Variants in CNTNAP2 observed in about 807,000 individuals in gnomAD.
The protein encoded by CNTNAP2 is contactin associated protein 2.
A neutral mutation model predicts 155.2 loss-of-function variants in CNTNAP2; 98 were observed. That is an observed-to-expected ratio of 0.63 (90% CI 0.54 to 0.75). The LOEUF (loss-of-function observed/expected upper bound fraction) is 0.75. CNTNAP2 is among the 30% of genes least tolerant of loss of function. CNTNAP2 has a pLI of 0.00. For missense variants in CNTNAP2, 1,727 were observed against 1,688.1 expected (o/e 1.02, Z -0.40); for synonymous variants, 651 against 631.2 (o/e 1.03, Z -0.47).
chr7:147,983,717 TA>T (rs1278568890), intron 15 of CNTNAP2, among the ~76,000 whole-genome samples: 1 of 152,220 alleles, frequency 6.6e-6, no homozygotes, highest in Non-Finnish European at 1.5e-5. Flanking sequence ...GGAGATTGGT[TA>T]AAAGAGTTAA....
At chr7:147,133,658 C>A (rs1801420942) in intron 8 of CNTNAP2, among the ~76,000 whole-genome samples, 1 of 152,026 alleles carries the variant, frequency 6.6e-6, no homozygotes, top group Non-Finnish European at 1.5e-5. Flanking sequence ...TGACCCCTTT[C>A]AACTAACAGA....
At chr7:147,904,950 T>C (rs931749264) in intron 14 of CNTNAP2, among the ~76,000 whole-genome samples, 7 of 151,420 alleles carry the variant, frequency 4.6e-5, no homozygotes, top group East Asian at 1.9e-4. Context: ...AGATTGGAAG[T>C]TGGGAATGGA....
chr7:147,734,752 T>C (rs143255283), intron 13 of CNTNAP2, among the ~76,000 whole-genome samples: 5,395 of 152,316 alleles, frequency 0.035, 162 homozygotes, highest in Non-Finnish European at 0.053. Context: ...TGGAAGGGTG[T>C]ATGTGTCCAG....
intron 3 of CNTNAP2, among the ~76,000 whole-genome samples, chr7:146,913,266 C>T (rs1276446137): frequency 6.6e-6 from 1 of 151,972 alleles, no homozygotes; most frequent in African/African-American, 2.4e-5. Flanking sequence ...AAGAGAGCTG[C>T]GAATATGGAA....
At chr7:147,783,842 A>C (rs568171042) in intron 13 of CNTNAP2, among the ~76,000 whole-genome samples, 1 of 152,260 alleles carries the variant, frequency 6.6e-6, no homozygotes, top group African/African-American at 2.4e-5. Context: ...TTCACCAGAC[A>C]CTGAATTTAC....
In CNTNAP2 at chr7:147,046,957, G is replaced by A. The variant is rs574911888; in HGVS notation, c.550+2903G>A. ...TGAAGCAGGAGAATGGCGTGAACCC[G>A]GGAGGTGGAGCTTGCAGTGAGCCAA... is the stretch of plus-strand genomic sequence containing the variant. On this transcript the variant is annotated intron_variant, in intron 4 of 23. Coordinates refer to ENST00000361727, the MANE Select transcript of CNTNAP2 (RefSeq NM_014141.6). Among the ~76,000 whole-genome samples the A allele has an allele frequency of 5.4e-5, 8 of 148,474 alleles. No individual in the cohort carries two copies. In the South Asian group the frequency reaches 8.8e-4, roughly 16 times the overall value.
At chr7:147,531,908 G>A (rs978479595) in intron 11 of CNTNAP2, among the ~76,000 whole-genome samples, 3 of 150,442 alleles carry the variant, frequency 2.0e-5, no homozygotes, top group Non-Finnish European at 4.4e-5. Flanking sequence ...CTGGGTTCAC[G>A]CCATTCTCCT....
At chr7:147,728,502 G>C (rs890698203) in intron 13 of CNTNAP2, among the ~76,000 whole-genome samples, 3 of 152,004 alleles carry the variant, frequency 2.0e-5, no homozygotes, top group Admixed American at 6.6e-5. Context: ...GGGGATCAGA[G>C]TAGCCCTAAA....
At chr7:147,708,286 T>C (rs1212297320) in intron 13 of CNTNAP2, among the ~76,000 whole-genome samples, 1 of 152,146 alleles carries the variant, frequency 6.6e-6, no homozygotes, top group Non-Finnish European at 1.5e-5. Flanking sequence ...TGAAAATGCA[T>C]GGCAGCTTTG....
chr7:148,191,905 A>T (rs1585178530), intron 18 of CNTNAP2, among the ~76,000 whole-genome samples: 1 of 152,238 alleles, frequency 6.6e-6, no homozygotes, highest in East Asian at 1.9e-4. Flanking sequence ...GTTAGTGATG[A>T]GTGTGCAGAA....
chr7:147,128,769 G>T lies in CNTNAP2; in HGVS notation c.1016G>T (p.Ser339Ile), dbSNP rs757610472. Reference protein sequence around the residue: ...SRKNFKGCMESINYNGVNITD... With the variant: ...SRKNFKGCMEIINYNGVNITD... Reference sequence around the variant, plus strand: ...AAGAATTTCAAAGGCTGCATGGAAAGCATCAACTACAATGGCGTCAACATT... The same window carrying T: ...AAGAATTTCAAAGGCTGCATGGAAATCATCAACTACAATGGCGTCAACATT... Residue 339 changes from serine to isoleucine, a missense_variant, in exon 7 of 24, where the codon AGC becomes ATC. Ser to Ile is a moderately radical substitution (Grantham distance 142). Coordinates refer to ENST00000361727, the MANE Select transcript of CNTNAP2 (RefSeq NM_014141.6). 6 of 1,614,092 alleles carry T rather than the reference G, an allele frequency of 3.7e-6. No individual in the cohort carries two copies. The South Asian group carries it at 4.4e-5, about 12-fold the overall frequency.
rs118030424 is a variant in CNTNAP2 at position 147,700,850 on chromosome 7, C to T, written c.2098+61544C>T. ...TTAGTATGTTTACTTATAACTATTA[C>T]TCATCATTTGGCCCGCTGGGTCTCC... On this transcript the variant is annotated intron_variant, in intron 13 of 23. Transcript: ENST00000361727. 6.3e-3 allele frequency among the ~76,000 whole-genome samples: 956 copies of T among 152,268 alleles called. 3 individuals are homozygous for T. Among genetic ancestry groups the T allele is most frequent in the Non-Finnish European group, 9.0e-3 (610 of 68,018 alleles).
At chr7:147,706,432 T>C (rs1391294021) in intron 13 of CNTNAP2, among the ~76,000 whole-genome samples, 1 of 152,104 alleles carries the variant, frequency 6.6e-6, no homozygotes, top group Non-Finnish European at 1.5e-5. Flanking sequence ...TTTTTTTCTT[T>C]CAGCACTTTC....
At chr7:146,885,295 G>T (rs572682108) in intron 3 of CNTNAP2, among the ~76,000 whole-genome samples, 22 of 151,976 alleles carry the variant, frequency 1.4e-4, no homozygotes, top group Admixed American at 4.6e-4. Flanking sequence ...TTTATTTTTT[G>T]CATAAGAAAA....
In CNTNAP2 at chr7:147,115,566, T is replaced by C. The variant is rs141785649; in HGVS notation, c.755-5413T>C. On this transcript the variant is annotated intron_variant, in intron 5 of 23. Transcript: ENST00000361727. ...TGTCTGCCTGTCTTATTTCAGAAAG[T>C]TAGGCTTCAAGCTCTGAGATTTCTT... Among the ~76,000 whole-genome samples the C allele has an allele frequency of 3.2e-4, 49 of 152,328 alleles. 1 individual carries two copies. The East Asian group carries it at 7.9e-3, about 25-fold the overall frequency.
chr7:146,572,842 G>A (rs142948378), intron 1 of CNTNAP2, among the ~76,000 whole-genome samples: 1,810 of 152,146 alleles, frequency 0.012, 26 homozygotes, highest in Middle Eastern at 0.058. Flanking sequence ...AATGTGGTTT[G>A]TATAACTGGA....
In CNTNAP2 at chr7:147,626,821, G is replaced by A. The variant is rs1428641099; in HGVS notation, c.1898-12285G>A. 5.9e-5 allele frequency among the ~76,000 whole-genome samples: 9 copies of A among 152,098 alleles called. No individual in the cohort carries two copies. In the East Asian group the frequency reaches 9.6e-4, roughly 16 times the overall value. Reference sequence around the variant, plus strand: ...TACTGGCTAACCAGAGTTCCTGAGCGTGTCCCTGTGAAAACATCACTGCTA... The same window carrying A: ...TACTGGCTAACCAGAGTTCCTGAGCATGTCCCTGTGAAAACATCACTGCTA... On this transcript the variant is annotated intron_variant, in intron 12 of 23. Transcript: ENST00000361727.
Position 147,904,492 on chromosome 7 carries a change from A to G in CNTNAP2, c.2255+771A>G, listed in dbSNP as rs1799925773. ...TCCAGTGCCGGCTTTCTACATTTTT[A>G]GAAGTGTTGAGAGGCTCCATTTCTG... is the stretch of plus-strand genomic sequence containing the variant. On this transcript the variant is annotated intron_variant, in intron 14 of 23. Transcript: ENST00000361727. Among the ~76,000 whole-genome samples the G allele has an allele frequency of 2.0e-5, 3 of 152,170 alleles. No individual in the cohort carries two copies. In the East Asian group the frequency reaches 5.8e-4, roughly 29 times the overall value.
intron 13 of CNTNAP2, among the ~76,000 whole-genome samples, chr7:147,837,894 C>A (rs958151459): frequency 6.6e-6 from 1 of 152,188 alleles, no homozygotes; most frequent in Non-Finnish European, 1.5e-5. Context: ...TCCCTCCTGA[C>A]TGCTTTCATG....
Sources: gnomAD v4.1 joint callset for allele counts (sites outside exome capture counted in the v4.1 genomes callset) on GRCh38, gnomAD v4.1.1 for gene constraint, MANE v1.5 for transcripts, NCBI Gene and HGNC (gene_info 2026-07-23, HGNC 2026-07-21) for gene names.